ZNF273: variants seen among roughly 807,000 people sequenced by gnomAD.
The protein encoded by ZNF273 is zinc finger protein 273.
A neutral mutation model predicts 14.9 loss-of-function variants in ZNF273; 11 were observed. That is an observed-to-expected ratio of 0.74 (90% CI 0.46 to 1.22). The LOEUF (loss-of-function observed/expected upper bound fraction) is 1.22, where lower values mean the gene tolerates loss of function less well. Ranked by LOEUF, ZNF273 falls within the 50% of genes most tolerant of loss-of-function variation. ZNF273 has a pLI of 0.00. For missense variants in ZNF273, 577 were observed against 660.6 expected (o/e 0.87, Z 1.39); for synonymous variants, 199 against 223.9 (o/e 0.89, Z 0.99).
chr7:64,931,880 C>T (rs1257583852), downstream of ZNF273, among the ~76,000 whole-genome samples: 1 of 151,928 alleles, frequency 6.6e-6, no homozygotes, highest in East Asian at 1.9e-4. Flanking sequence ...ATTTTTTTTC[C>T]AGGCTGCGAA....
At chr7:64,914,363 C>A (rs1286189664) in intron 1 of ZNF273, among the ~76,000 whole-genome samples, 11 of 140,218 alleles carry the variant, frequency 7.8e-5, no homozygotes, top group African/African-American at 2.5e-4. Context: ...AAAAAAAAAA[C>A]ACTATTATTA....
At chr7:64,883,046 C>G (rs1025417878), downstream of ZNF273, among the ~76,000 whole-genome samples, 2 of 152,190 alleles carry the variant, frequency 1.3e-5, no homozygotes, top group Non-Finnish European at 2.9e-5. Context: ...GAATATGGCT[C>G]AAGCACTGCA....
At chr7:64,899,926 A>G (rs567423806), upstream of ZNF273, among the ~76,000 whole-genome samples, 29 of 149,408 alleles carry the variant, frequency 1.9e-4, no homozygotes, top group African/African-American at 6.8e-4. Context: ...AAGCCTGGCT[A>G]ATTTTGTATT....
At chr7:64,917,806 C>A in intron 2 of ZNF273, 99 bp downstream of exon 2, 1 of 1,267,388 alleles carries the variant, frequency 7.9e-7, no homozygotes, top group East Asian at 2.9e-5. Flanking sequence ...TTTTAGATCC[C>A]TATTTTCAAC....
At chr7:64,887,277 C>G (rs73132377) in intron 1 of ZNF273, among the ~76,000 whole-genome samples, 12,630 of 152,224 alleles carry the variant, frequency 0.083, 673 homozygotes, top group South Asian at 0.18. Context: ...GCCTTACCAA[C>G]TTAACTCCTT....
At chr7:64,883,988 T>C (rs1035042736), downstream of ZNF273, among the ~76,000 whole-genome samples, 2 of 152,250 alleles carry the variant, frequency 1.3e-5, no homozygotes, top group East Asian at 3.9e-4. Flanking sequence ...GAAACTCTTG[T>C]TCTCCCACTT....
At chr7:64,894,437 A>C (rs1232142021), downstream of ZNF273, among the ~76,000 whole-genome samples, 1 of 152,232 alleles carries the variant, frequency 6.6e-6, no homozygotes, top group African/African-American at 2.4e-5. Context: ...TATACAAACA[A>C]ACTTTACAGA....
intron 1 of ZNF273, among the ~76,000 whole-genome samples, chr7:64,903,869 T>C (rs1420339717): frequency 6.6e-6 from 1 of 152,212 alleles, no homozygotes; most frequent in Non-Finnish European, 1.5e-5. Context: ...GGTTTGTAGT[T>C]TGTGGTCCAT....
rs1019504810 is a variant in ZNF273, at chr7:64,914,188, T to G, written c.103-3393T>G. On this transcript the variant is annotated intron_variant, in intron 1 of 3. Coordinates refer to ENST00000476120, the MANE Select transcript of ZNF273 (RefSeq NM_021148.3). ...ACGTCCTGGTAATTTTTGTATTTTTTTTTTTTTTTTTTTTTTTTTTAGTAC... is the reference window on the plus strand; with the variant it reads ...ACGTCCTGGTAATTTTTGTATTTTTGTTTTTTTTTTTTTTTTTTTTAGTAC... Among the ~76,000 whole-genome samples, 12 of 126,362 alleles carry G rather than the reference T, an allele frequency of 9.5e-5. No individual in the cohort carries two copies. The South Asian group carries it at 1.9e-3, about 20-fold the overall frequency. 82.9% of individuals were successfully genotyped at this position (126,362 alleles called of 152,430 possible).
intron 3 of ZNF273, among the ~76,000 whole-genome samples, chr7:64,895,007 T>A (rs943105874): frequency 4.0e-5 from 6 of 151,094 alleles, no homozygotes; most frequent in Admixed American, 4.0e-4. Flanking sequence ...CATGGCAGCG[T>A]GTACCTGTAA....
downstream of ZNF273, among the ~76,000 whole-genome samples, chr7:64,884,390 G>C (rs1791455790): frequency 6.6e-6 from 1 of 152,118 alleles, no homozygotes; most frequent in South Asian, 2.1e-4. Context: ...GGGATCCACA[G>C]TGCCCCTCAA....
At chr7:64,897,767 G>A in exon 4 of ZNF273, 1 of 141,162 alleles carries the variant, frequency 7.1e-6, no homozygotes, top group Non-Finnish European at 1.5e-5. Context: ...AGTCTGGAGT[G>A]CAGTGGCACG....
intron 1 of ZNF273, chr7:64,888,277 TG>T: frequency 1.0e-6 from 1 of 984,492 alleles, no homozygotes; most frequent in Non-Finnish European, 1.2e-6. Flanking sequence ...CCTGTCTCTA[TG>T]GGGGTCCTTC....
chr7:64,934,702 G>T, downstream of ZNF273, among the ~76,000 whole-genome samples: 1 of 151,770 alleles, frequency 6.6e-6, no homozygotes. Flanking sequence ...ACTGTTTTGA[G>T]TACTATAGCT....
intron 1 of ZNF273, among the ~76,000 whole-genome samples, chr7:64,887,965 C>T (rs902720012): frequency 1.1e-4 from 17 of 152,102 alleles, no homozygotes; most frequent in African/African-American, 2.9e-4. Context: ...GAAGCCCTAC[C>T]TGCGCTGGAG....
At chr7:64,880,696 G>A (rs6975625), downstream of ZNF273, among the ~76,000 whole-genome samples, 61,111 of 151,692 alleles carry the variant, frequency 0.4, 12,571 homozygotes, top group South Asian at 0.44. Flanking sequence ...TGGCGGGCTA[G>A]CTGAGATGCG....
Position 64,928,425 on chromosome 7 carries a change from G to T in ZNF273, c.1097G>T (p.Arg366Ile), listed in dbSNP as rs377178352. 2 of 1,607,144 alleles carry T rather than the reference G, an allele frequency of 1.2e-6. No individual in the cohort carries two copies. The highest frequency in any genetic ancestry group is 1.4e-5 in the African/African-American group (1 of 72,890). The change falls in exon 4 of 4, where the codon AGA (arginine) becomes ATA (isoleucine). Residue 366 changes from arginine (R) to isoleucine (I), a missense_variant. Arg to Ile is a moderately conservative substitution (Grantham distance 97). Transcript: ENST00000476120. ...NWSSTLTKHK[R>I]IHTGEKPYKC... ...TCCTCAACTCTTACTAAACATAAGA[G>T]AATTCATACTGGAGAGAAACCCTAC...
At chr7:64,908,468 T>G (rs1196127982) in intron 1 of ZNF273, among the ~76,000 whole-genome samples, 2 of 152,198 alleles carry the variant, frequency 1.3e-5, no homozygotes, top group Non-Finnish European at 2.9e-5. Context: ...TTTTTGTTTG[T>G]TTGTTTTGAG....
chr7:64,892,514 C>T (rs1175381178), downstream of ZNF273, among the ~76,000 whole-genome samples: 1 of 152,100 alleles, frequency 6.6e-6, no homozygotes, highest in African/African-American at 2.4e-5. Context: ...AATGAAGCAG[C>T]CTTGTTCTTC....
Sources: gnomAD v4.1 joint callset for allele counts (sites outside exome capture counted in the v4.1 genomes callset) on GRCh38, gnomAD v4.1.1 for gene constraint, MANE v1.5 for transcripts, NCBI Gene and HGNC (gene_info 2026-07-23, HGNC 2026-07-21) for gene names.